USP16: variants seen among roughly 807,000 people sequenced by gnomAD.
USP16 encodes ubiquitin carboxyl-terminal hydrolase 16.
A neutral mutation model predicts 95.9 loss-of-function variants in USP16; 77 were observed. The observed-to-expected ratio is 0.80, with a 90% CI of 0.67 to 0.97. The LOEUF is 0.97. USP16 is among the 50% of genes least tolerant of loss of function. The pLI is 0.00. For synonymous variants in USP16, 303 were observed against 318.2 expected (o/e 0.95, Z 0.51); for missense variants, 943 against 959.9 (o/e 0.98, Z 0.23).
intron 15 of USP16, 101 bp from the exon 16 acceptor site, chr21:29,049,991 T>G: frequency 1.0e-6 from 1 of 992,092 alleles, no homozygotes; most frequent in Non-Finnish European, 1.5e-6. Flanking sequence ...GAACTAGGAC[T>G]TAATGTTGAT....
chr21:29,040,684 A>G lies in USP16; in HGVS notation c.1027A>G (p.Lys343Glu). ...GGATGAAGAACTAAAAAATAAAGTT[A>G]AAGGTAATGTCTGACTTTTTGAACT... ...KLDEELKNKV[K>E]DYEKKKSMPS... The change falls in exon 10 of 18, where the codon AAA becomes GAA. Residue 343 changes from lysine to glutamate, a missense_variant. Transcript: ENST00000399976. 2 of 1,520,682 alleles carry G rather than the reference A, an allele frequency of 1.3e-6. No homozygotes were observed. Among genetic ancestry groups the G allele is most frequent in the South Asian group, 1.2e-5 (1 of 85,764 alleles). The allele number at this position is 1,520,682 out of a possible 1,614,324, so 94.2% of individuals were successfully genotyped here.
intron 10 of USP16, 113 bp from the exon 11 acceptor site, chr21:29,041,900 C>T: frequency 1.2e-6 from 1 of 831,616 alleles, no homozygotes; most frequent in Non-Finnish European, 1.9e-6. Flanking sequence ...GTCTGTGGGA[C>T]AGGAAATTTA....
At chr21:29,026,068 G>A (rs1422658875) in intron 1 of USP16, among the ~76,000 whole-genome samples, 1 of 152,214 alleles carries the variant, frequency 6.6e-6, no homozygotes, top group Non-Finnish European at 1.5e-5. Flanking sequence ...TTGAAATGGA[G>A]AGCTTCCAAG....
At chr21:29,030,230 G>A (rs1231122370) in intron 2 of USP16, among the ~76,000 whole-genome samples, 9 of 151,998 alleles carry the variant, frequency 5.9e-5, no homozygotes, top group Admixed American at 5.9e-4. Context: ...TATAGTAGGT[G>A]TATTATTGAC....
chr21:29,038,870 C>T (rs2085201439), intron 7 of USP16, among the ~76,000 whole-genome samples, 156 bp from the exon 8 acceptor site: 1 of 152,132 alleles, frequency 6.6e-6, no homozygotes, highest in African/African-American at 2.4e-5. Context: ...CAGTCTGTGA[C>T]CAAACAGTTT....
rs1568904200 is a variant in USP16 at position 29,054,210 on chromosome 21, G to A, written c.*23G>A. ...TAATAATATCAAAAGCACTTTTTCT[G>A]GAAACACATTTATGGCTTTTATAAT... On this transcript the variant is annotated 3_prime_UTR_variant, in exon 18 of 18. Transcript: ENST00000399976. The A allele has an allele frequency of 3.1e-6, 5 of 1,600,332 alleles. No individual in the cohort carries two copies. Among genetic ancestry groups the A allele is most frequent in the South Asian group, 1.1e-5 (1 of 89,024 alleles).
At chr21:29,038,470 C>A in intron 7 of USP16, 40 bp downstream of exon 7, 1 of 1,358,584 alleles carries the variant, frequency 7.4e-7, no homozygotes, top group South Asian at 1.2e-5. Context: ...ACTTTCCTCT[C>A]TGAATGTGTG....
At position 29,034,833 on chromosome 21, in the gene USP16, T is replaced by G; in HGVS notation, c.241-4T>G. Reference sequence around the variant, plus strand: ...TTTGAGGTTTATGATTATGATTTTTTTAGGGCTGTGGCAGAAATTCTCAGG... The same window carrying G: ...TTTGAGGTTTATGATTATGATTTTTGTAGGGCTGTGGCAGAAATTCTCAGG... On this transcript the variant is annotated splice_region_variant and splice_polypyrimidine_tract_variant and intron_variant, in intron 3 of 17. Transcript: ENST00000399976. 1 of 1,614,028 alleles carries G rather than the reference T, an allele frequency of 6.2e-7. No individual in the cohort carries two copies. The highest frequency in any genetic ancestry group is 8.5e-7 in the Non-Finnish European group (1 of 1,179,908).
At chr21:29,034,312 T>A (rs1302076321) in intron 3 of USP16, among the ~76,000 whole-genome samples, 1 of 151,634 alleles carries the variant, frequency 6.6e-6, no homozygotes, top group African/African-American at 2.4e-5. Flanking sequence ...CTTTTTTTTT[T>A]TTTTTTTATT....
intron 3 of USP16, among the ~76,000 whole-genome samples, chr21:29,034,257 G>A (rs540511698): frequency 1.3e-5 from 2 of 151,994 alleles, no homozygotes; most frequent in East Asian, 3.9e-4. Context: ...GGTTTAATCT[G>A]GGCTGGAAAG....
At chr21:29,039,858 T>C (rs562384268) in intron 9 of USP16, among the ~76,000 whole-genome samples, 11 of 152,300 alleles carry the variant, frequency 7.2e-5, no homozygotes, top group Non-Finnish European at 1.2e-4. Context: ...CTGCCAAATA[T>C]TGGAAATTGT....
chr21:29,049,188 T>A (rs2085376701), intron 15 of USP16, among the ~76,000 whole-genome samples: 1 of 152,242 alleles, frequency 6.6e-6, no homozygotes, highest in Admixed American at 6.5e-5. Flanking sequence ...TTTTCTGTTT[T>A]GTGTGTGGCA....
intron 1 of USP16, 85 bp from the exon 2 acceptor site, chr21:29,027,788 C>G: frequency 2.3e-6 from 2 of 862,774 alleles, no homozygotes; most frequent in South Asian, 2.8e-5. Context: ...GCATAATATA[C>G]GTGGCTTAGT....
At chr21:29,030,932 G>A (rs190778451) in intron 3 of USP16, among the ~76,000 whole-genome samples, 159 bp downstream of exon 3, 1 of 152,348 alleles carries the variant, frequency 6.6e-6, no homozygotes. Flanking sequence ...AGGTGGTGGA[G>A]TGTTCTCTGG....
At chr21:29,047,394 C>T in intron 14 of USP16, 73 bp downstream of exon 14, 1 of 1,446,786 alleles carries the variant, frequency 6.9e-7, no homozygotes, top group African/African-American at 1.4e-5. Context: ...GTAGAGTACT[C>T]CTAATTGTAT....
chr21:29,047,909 CTGTG>C (rs975235736), intron 14 of USP16, among the ~76,000 whole-genome samples: 8 of 149,508 alleles, frequency 5.4e-5, no homozygotes, highest in African/African-American at 9.9e-5. Context: ...AAAAGTAAGC[CTGTG>C]TGTGTGTGTA....
In USP16 at chr21:29,039,625, C is replaced by T. The variant is rs2085215229; in HGVS notation, c.951+57C>T. On this transcript the variant is annotated intron_variant, in intron 9 of 17. Transcript: ENST00000399976. The stretch of plus-strand genomic sequence containing the variant: ...TCTTATCTTCATAAGCTTTCTGTCT[C>T]ATTTGATATCTTACGAGTTAAAACA... 3 of 1,513,376 alleles carry T rather than the reference C, an allele frequency of 2.0e-6. No individual in the cohort carries two copies. In the Admixed American group the frequency reaches 5.3e-5, roughly 27 times the overall value. The allele number at this position is 1,513,376 out of a possible 1,614,324, so 93.7% of individuals were successfully genotyped here.
At chr21:29,039,452 T>G (rs1398296896) in intron 8 of USP16, 29 bp from the exon 9 acceptor site, 6 of 1,604,564 alleles carry the variant, frequency 3.7e-6, no homozygotes, top group Non-Finnish European at 3.4e-6. Context: ...GACTGAAGAT[T>G]GCTTTTCTGT....
At chr21:29,053,750 A>C in intron 16 of USP16, 52 bp from the exon 17 acceptor site, 1 of 1,573,538 alleles carries the variant, frequency 6.4e-7, no homozygotes, top group Non-Finnish European at 8.6e-7. Flanking sequence ...TGCCCATGAC[A>C]TCTGTGTAAA....
Sources: gnomAD v4.1 joint callset for allele counts (sites outside exome capture counted in the v4.1 genomes callset) on GRCh38, gnomAD v4.1.1 for gene constraint, MANE v1.5 for transcripts, NCBI Gene and HGNC (gene_info 2026-07-23, HGNC 2026-07-21) for gene names.